ANK3: variants seen among roughly 807,000 people sequenced by gnomAD.
The protein encoded by ANK3 is ankyrin 3, also known as ankyrin-3.
In ANK3, 57 loss-of-function variants were observed where a neutral mutation model predicts 370.9. That is an observed-to-expected ratio of 0.15 (90% CI 0.12 to 0.19). The LOEUF is 0.19. ANK3 is among the 10% of genes least tolerant of loss of function. The pLI is 1.00. For missense variants in ANK3, 4,439 were observed against 5,302.1 expected, an observed-to-expected ratio of 0.84 and a Z score of 5.06; for synonymous variants, 1,929 against 1,946.3, an observed-to-expected ratio of 0.99 and a Z score of 0.23.
chr10:60,082,477 G>T, intron 34 of ANK3, 138 bp downstream of exon 34: 4 of 1,180,792 alleles, frequency 3.4e-6, no homozygotes, highest in African/African-American at 3.1e-5. Flanking sequence ...ACAAGACTTA[G>T]GCAATCTACA....
intron 2 of ANK3, among the ~76,000 whole-genome samples, chr10:60,438,342 A>G (rs1470052839): frequency 6.6e-6 from 1 of 152,174 alleles, no homozygotes; most frequent in East Asian, 1.9e-4. Context: ...GTCTGAAATA[A>G]TACAGCCTCA....
chr10:60,627,498 T>A (rs1376863186), intron 1 of ANK3, among the ~76,000 whole-genome samples: 1 of 152,140 alleles, frequency 6.6e-6, no homozygotes, highest in Non-Finnish European at 1.5e-5. Context: ...CAAGGCTAAT[T>A]AATCATTGTT....
At chr10:60,547,995 A>G (rs927856929) in intron 2 of ANK3, among the ~76,000 whole-genome samples, 1 of 152,178 alleles carries the variant, frequency 6.6e-6, no homozygotes, top group Non-Finnish European at 1.5e-5. Flanking sequence ...CAAAGGAAAC[A>G]CACAAGTCTG....
At chr10:60,245,938 T>C (rs1323495702) in intron 7 of ANK3, among the ~76,000 whole-genome samples, 2 of 152,158 alleles carry the variant, frequency 1.3e-5, no homozygotes, top group Non-Finnish European at 2.9e-5. Flanking sequence ...AGAAACTTCC[T>C]TCATACCATA....
At chr10:60,674,949 A>G (rs1411059526) in intron 1 of ANK3, among the ~76,000 whole-genome samples, 1 of 152,202 alleles carries the variant, frequency 6.6e-6, no homozygotes, top group Non-Finnish European at 1.5e-5. Context: ...TAAACCATAT[A>G]TTTGAGTCCT....
intron 16 of ANK3, among the ~76,000 whole-genome samples, chr10:60,194,890 G>A (rs143490384): frequency 4.6e-5 from 7 of 152,196 alleles, no homozygotes; most frequent in Non-Finnish European, 8.8e-5. Flanking sequence ...GAAAATGATC[G>A]AAAGTTTCCA....
At chr10:60,279,517 T>G (rs1241294512) in intron 2 of ANK3, 21 bp downstream of exon 2, 1 of 1,557,766 alleles carries the variant, frequency 6.4e-7, no homozygotes, top group Non-Finnish European at 8.7e-7. Context: ...AGTAAAAAAT[T>G]CAATAATAAC....
intron 21 of ANK3, among the ~76,000 whole-genome samples, chr10:60,169,364 G>GTTTGTTTTT (rs397844967): frequency 3.9e-5 from 2 of 51,900 alleles, no homozygotes; most frequent in African/African-American, 1.5e-4. Flanking sequence ...TTGTCTCATA[G>GTTTGTTTTT]TTTTTTTTTT....
intron 2 of ANK3, among the ~76,000 whole-genome samples, chr10:60,531,782 A>G (rs1169957887): frequency 6.6e-6 from 1 of 152,122 alleles, no homozygotes; most frequent in Non-Finnish European, 1.5e-5. Flanking sequence ...TCTGTGTCAG[A>G]GTGCTGAGGT....
intron 2 of ANK3, among the ~76,000 whole-genome samples, chr10:60,555,228 T>C (rs1300660449): frequency 6.6e-6 from 1 of 152,114 alleles, no homozygotes; most frequent in African/African-American, 2.4e-5. Context: ...TCCTAGTATA[T>C]TGGGAGGCTG....
intron 7 of ANK3, among the ~76,000 whole-genome samples, chr10:60,236,435 A>G (rs2132542959): frequency 6.6e-6 from 1 of 152,214 alleles, no homozygotes; most frequent in Non-Finnish European, 1.5e-5. Flanking sequence ...GTCTTTCTTA[A>G]TCTCCACAGC....
chr10:60,124,762 A>G (rs1173270860), intron 25 of ANK3, among the ~76,000 whole-genome samples: 1 of 152,198 alleles, frequency 6.6e-6, no homozygotes, highest in East Asian at 1.9e-4. Flanking sequence ...TTAAGCACCC[A>G]TCAGGTTTAC....
intron 16 of ANK3, among the ~76,000 whole-genome samples, chr10:60,189,312 G>C (rs2096421158): frequency 6.6e-6 from 1 of 152,196 alleles, no homozygotes; most frequent in Non-Finnish European, 1.5e-5. Context: ...GGGCAACATA[G>C]GGAGAGCCTG....
chr10:60,530,619 C>T (rs2076583667), intron 2 of ANK3, among the ~76,000 whole-genome samples: 1 of 152,142 alleles, frequency 6.6e-6, no homozygotes, highest in Admixed American at 6.6e-5. Context: ...CCTCACCTTA[C>T]CCTAAAGCTG....
chr10:60,257,041 C>G (rs1160520210), intron 7 of ANK3, among the ~76,000 whole-genome samples: 1 of 152,190 alleles, frequency 6.6e-6, no homozygotes. Flanking sequence ...AATCTCCAAA[C>G]TGCTTTCCAA....
chr10:60,059,529 A>G, intron 40 of ANK3, 99 bp from the exon 41 acceptor site: 1 of 1,263,208 alleles, frequency 7.9e-7, no homozygotes, highest in Non-Finnish European at 1.2e-6. Flanking sequence ...TCCTTCTTCA[A>G]GTTGAATGTC....
chr10:60,728,891 G>A (rs2079981033), intron 1 of ANK3, among the ~76,000 whole-genome samples: 1 of 152,168 alleles, frequency 6.6e-6, no homozygotes. Flanking sequence ...TTACCCTCTA[G>A]TTTATTGTGA....
At chr10:60,452,080 A>G (rs1381317064) in intron 2 of ANK3, among the ~76,000 whole-genome samples, 2 of 152,230 alleles carry the variant, frequency 1.3e-5, no homozygotes, top group Non-Finnish European at 2.9e-5. Flanking sequence ...CTGTAAATTC[A>G]CTGAAAATGT....
At chr10:60,174,487 T>C (rs765798993) in intron 18 of ANK3, among the ~76,000 whole-genome samples, 1 of 152,090 alleles carries the variant, frequency 6.6e-6, no homozygotes, top group Non-Finnish European at 1.5e-5. Context: ...TACTGCTTAA[T>C]AAGGGAAGCT....
Sources: gnomAD v4.1 joint callset for allele counts (sites outside exome capture counted in the v4.1 genomes callset) on GRCh38, gnomAD v4.1.1 for gene constraint, MANE v1.5 for transcripts, NCBI Gene and HGNC (gene_info 2026-07-23, HGNC 2026-07-21) for gene names.